MACF1: variants seen among roughly 807,000 people sequenced by gnomAD.
MACF1 encodes microtubule-actin cross-linking factor 1.
In MACF1, 193 loss-of-function variants were observed where a neutral mutation model predicts 854.8. That is an observed-to-expected ratio of 0.23 (90% CI 0.20 to 0.25). MACF1 has a LOEUF of 0.25. Ranked by LOEUF, MACF1 falls within the 10% of genes least tolerant of loss-of-function variation. The pLI is 1.00. For synonymous variants in MACF1, 3,185 were observed against 3,226.7 expected (o/e 0.99, Z 0.44); for missense variants, 7,722 against 8,929.1 (o/e 0.86, Z 5.45).
chr1:39,458,148 C>T lies in MACF1; in HGVS notation c.21076-222C>T, dbSNP rs552264625. ...TTGCCCCCATAACTCAATCACATCC[C>T]GTTAGACCCCACCTCCAGCATTGGA... On this transcript the variant is annotated intron_variant, in intron 89 of 100. Transcript: ENST00000564288. 26 of 495,342 alleles carry T rather than the reference C, an allele frequency of 5.2e-5. No homozygotes were observed. The East Asian group carries it at 5.6e-4, about 11-fold the overall frequency. 30.7% of individuals were successfully genotyped at this position (495,342 alleles called of 1,614,324 possible).
In MACF1 at chr1:39,332,836, T is replaced by C. The variant is rs1646750806; in HGVS notation, c.6248T>C (p.Val2083Ala). 6.2e-7 allele frequency: 1 copy of C among 1,614,018 alleles called. No homozygotes were observed. Among genetic ancestry groups the C allele is most frequent in the Non-Finnish European group, 8.5e-7 (1 of 1,179,986 alleles). The change falls in exon 37 of 101, where the codon GTA (valine) becomes GCA (alanine). Residue 2083 changes from valine to alanine, a missense_variant. Coordinates refer to ENST00000564288, the MANE Select transcript of MACF1 (RefSeq NM_001394062.1). ...GAGAACCCTGAACAGGATCTGTTTG[T>C]AGAACAAAAAGAGAGAAATCCAAAC... ...SVENPEQDLF[V>A]EQKERNPNID...
At chr1:39,136,047 AC>A (rs1227159576) in intron 2 of MACF1, among the ~76,000 whole-genome samples, 2 of 152,204 alleles carry the variant, frequency 1.3e-5, no homozygotes, top group African/African-American at 4.8e-5. Flanking sequence ...ATCTCTACAC[AC>A]ACATACATAC....
chr1:39,271,085 G>A (rs1023142299), intron 6 of MACF1, among the ~76,000 whole-genome samples: 15 of 152,176 alleles, frequency 9.9e-5, no homozygotes, highest in Non-Finnish European at 1.8e-4. Context: ...TAGGAAGGAA[G>A]GCAGTGAAAC....
intron 89 of MACF1, among the ~76,000 whole-genome samples, chr1:39,456,114 A>AC (rs1436996293): frequency 1.3e-5 from 2 of 152,216 alleles, no homozygotes; most frequent in Non-Finnish European, 2.9e-5. Flanking sequence ...GGGGCAGATC[A>AC]CTTGAGGTGA....
At chr1:39,369,553 T>G (rs1461390438) in intron 50 of MACF1, among the ~76,000 whole-genome samples, 12 of 152,246 alleles carry the variant, frequency 7.9e-5, no homozygotes, top group Non-Finnish European at 1.2e-4. Flanking sequence ...AAAACTTTCC[T>G]TTTGATTTAG....
chr1:39,134,477 T>G (rs1643113481), intron 2 of MACF1, among the ~76,000 whole-genome samples: 1 of 152,164 alleles, frequency 6.6e-6, no homozygotes, highest in South Asian at 2.1e-4. Context: ...TTTCTTTTAT[T>G]TTGTTGTATC....
At chr1:39,284,019 T>C (rs1340294520) in intron 9 of MACF1, 47 bp from the exon 10 acceptor site, 1 of 1,600,614 alleles carries the variant, frequency 6.2e-7, no homozygotes, top group African/African-American at 1.3e-5. Context: ...TTGTGCTTGT[T>C]TTGGATATTG....
At position 39,380,303 on chromosome 1, in the gene MACF1, G is replaced by C; in HGVS notation, c.13578G>C (p.Leu4526=). The C allele has an allele frequency of 5.6e-6, 9 of 1,613,646 alleles. No individual in the cohort carries two copies. The highest frequency in any genetic ancestry group is 7.6e-6 in the Non-Finnish European group (9 of 1,179,784). The change falls in exon 55 of 101, where the codon CTG becomes CTC. Residue 4526 remains leucine (L), a synonymous_variant. Coordinates refer to ENST00000564288, the MANE Select transcript of MACF1 (RefSeq NM_001394062.1). ...AAATTCAAAAAGTAAAGGAAGCCCT[G>C]GCTGGATTACTGGTGACATATCCCA... ...SPKIQKVKEA[L]AGLLVTYPNS... is the part of the protein sequence containing the mutation.
Position 39,358,833 on chromosome 1 carries a change from C to G in MACF1, c.12080C>G (p.Ser4027Cys). Residue 4027 changes from serine to cysteine, a missense_variant, in exon 46 of 101, where the codon TCT (serine) becomes TGT (cysteine). Around this residue, in one of 15 missense-constraint regions of MACF1, gnomAD observed 2,807 missense variants for 3,235.8 expected, o/e 0.87. Coordinates refer to ENST00000564288, the MANE Select transcript of MACF1 (RefSeq NM_001394062.1). ...AAGCTCCTCTCAGATACTGTTGCCT[C>G]TGACCCTGGAGTTCTCCAGGAGCAG... ...VEKLLSDTVASDPGVLQEQLA... is the reference protein window; with the variant it reads ...VEKLLSDTVACDPGVLQEQLA... 6.2e-7 allele frequency: 1 copy of G among 1,612,570 alleles called. No individual in the cohort carries two copies. The highest frequency in any genetic ancestry group is 8.5e-7 in the Non-Finnish European group (1 of 1,179,630).
At chr1:39,304,923 A>AT (rs797006883) in intron 23 of MACF1, 214 of 144,262 alleles carry the variant, frequency 1.5e-3, no homozygotes, top group Middle Eastern at 3.5e-3. Context: ...CAGACTCTGA[A>AT]TTTTTTTTTT....
Position 39,361,223 on chromosome 1 carries a change from A to G in MACF1, c.12454-137A>G. 4 of 881,842 alleles carry G rather than the reference A, an allele frequency of 4.5e-6. No individual in the cohort carries two copies. The South Asian group carries it at 7.0e-5, about 15-fold the overall frequency. The allele number at this position is 881,842 out of a possible 1,614,324, so 54.6% of individuals were successfully genotyped here. On this transcript the variant is annotated intron_variant, in intron 48 of 100. Coordinates refer to ENST00000564288, the MANE Select transcript of MACF1 (RefSeq NM_001394062.1). ...GTAGAAGGGGTGGAGAACTAAGGTG[A>G]TGAGATGTGTGGTATTCTGGAGGCT...
chr1:39,269,482 A>G (rs1190988689), intron 6 of MACF1: 3 of 1,289,802 alleles, frequency 2.3e-6, no homozygotes, highest in East Asian at 1.1e-4. Context: ...GAGCCTTCCC[A>G]TGTGGGTCAA....
At chr1:39,352,645 G>A (rs949432326) in intron 43 of MACF1, among the ~76,000 whole-genome samples, 1 of 152,140 alleles carries the variant, frequency 6.6e-6, no homozygotes, top group Non-Finnish European at 1.5e-5. Flanking sequence ...AGCCTCCTGA[G>A]TAGCTGGGTC....
intron 36 of MACF1, among the ~76,000 whole-genome samples, chr1:39,328,170 C>G (rs1351179877): frequency 6.6e-6 from 1 of 152,154 alleles, no homozygotes; most frequent in African/African-American, 2.4e-5. Context: ...TTTTGTGCAA[C>G]AGGAGCTAGA....
rs377478176 is a variant in MACF1 at position 39,407,405 on chromosome 1, C to T, written c.15817-14969C>T. Among the ~76,000 whole-genome samples the T allele has an allele frequency of 4.6e-5, 7 of 152,232 alleles. No homozygotes were observed. The East Asian group carries it at 1.2e-3, about 25-fold the overall frequency. ...GGGTTTCTAGTGTCTTGGCAGTATA[C>T]GACCAAGAGGACACAGGATTCTGGG... On this transcript the variant is annotated intron_variant, in intron 58 of 100. Transcript: ENST00000564288.
chr1:39,346,931 G>A (rs772614783), intron 40 of MACF1, 46 bp from the exon 41 acceptor site: 2 of 1,217,126 alleles, frequency 1.6e-6, no homozygotes, highest in East Asian at 2.3e-5. Context: ...AGAAATGGAA[G>A]TATCATGGTT....
rs758153272 is a variant in MACF1 at position 39,340,904 on chromosome 1, A to G, written c.10532A>G (p.Asn3511Ser). 15 of 1,613,494 alleles carry G rather than the reference A, an allele frequency of 9.3e-6. No individual in the cohort carries two copies. In the African/African-American group the frequency reaches 1.7e-4, roughly 19 times the overall value. The change falls in exon 40 of 101, where the codon AAC (asparagine) becomes AGC (serine). Residue 3511 changes from asparagine to serine, a missense_variant. Physicochemically the swap from Asn to Ser is conservative, Grantham distance 46. Coordinates refer to ENST00000564288, the MANE Select transcript of MACF1 (RefSeq NM_001394062.1). ...KNLILNSKGS[N>S]SEIDVDSLNL... is the part of the protein sequence containing the mutation. The stretch of plus-strand genomic sequence containing the variant: ...CTTATTCTGAACAGCAAGGGATCTA[A>G]CAGTGAAATAGATGTTGACAGCCTG...
At chr1:39,379,760 A>C (rs1038505841) in intron 54 of MACF1, among the ~76,000 whole-genome samples, 1 of 152,232 alleles carries the variant, frequency 6.6e-6, no homozygotes, top group Non-Finnish European at 1.5e-5. Flanking sequence ...AGCAAGACAA[A>C]CCATTCTTAT....
rs777917240 is a variant in MACF1, at chr1:39,287,318, T to C, written c.1541T>C (p.Leu514Ser). The change falls in exon 15 of 101, where the codon TTG becomes TCG. Residue 514 changes from leucine to serine, a missense_variant. Transcript: ENST00000564288. ...CGTCTTCAGGATGAGCTGGTCACCT[T>C]GCGTCTAGAGTGTACAAACCTGTAC... The part of the protein sequence containing the change: ...VMRLQDELVT[L>S]RLECTNLYRK... 12 of 1,614,106 alleles carry C rather than the reference T, an allele frequency of 7.4e-6. No homozygotes were observed. The East Asian group carries it at 2.7e-4, about 36-fold the overall frequency.
Sources: allele counts gnomAD v4.1 joint callset (sites outside exome capture counted in the v4.1 genomes callset), GRCh38; gene constraint gnomAD v4.1.1; regional missense constraint gnomAD v4.1.1; transcripts MANE v1.5; gene names NCBI Gene and HGNC (gene_info 2026-07-23, HGNC 2026-07-21).